The following SGCD variants were observed in gnomAD, a reference collection of about 807,000 sequenced individuals.
SGCD encodes the protein sarcoglycan delta.
Under a neutral mutation model 36.6 loss-of-function variants are expected in SGCD, and 18 were observed. The ratio of observed to expected loss-of-function variants is 0.49; its 90% confidence interval spans 0.34 to 0.73. The LOEUF is 0.73. SGCD is among the 30% of genes least tolerant of loss of function. The pLI is 0.01. For synonymous variants in SGCD, 133 were observed against 130.6 expected (o/e 1.02, Z -0.12); for missense variants, 387 against 346.7 (o/e 1.12, Z -0.92).
chr5:156,650,134 A>G (rs551411559), intron 7 of SGCD, among the ~76,000 whole-genome samples: 60 of 152,292 alleles, frequency 3.9e-4, no homozygotes, highest in African/African-American at 1.2e-3. Context: ...TTATGCTGAG[A>G]CATAATCGTA....
chr5:155,980,321 C>T (rs1209114563), intron 1 of SGCD, among the ~76,000 whole-genome samples: 1 of 151,916 alleles, frequency 6.6e-6, no homozygotes, highest in African/African-American at 2.4e-5. Context: ...AGCGGTGGTT[C>T]ACGCCTATAA....
At chr5:155,814,468 G>T in the SGCD span, among the ~76,000 whole-genome samples, 1 of 152,068 alleles carries the variant, frequency 6.6e-6, no homozygotes, top group Non-Finnish European at 1.5e-5. Context: ...ATAATTTTTG[G>T]TTAATTTCTA....
At chr5:156,429,248 A>G (rs944245160) in intron 3 of SGCD, among the ~76,000 whole-genome samples, 2 of 146,012 alleles carry the variant, frequency 1.4e-5, no homozygotes, top group Non-Finnish European at 3.0e-5. Flanking sequence ...TAATCATTAT[A>G]TAATGTCCCT....
intron 6 of SGCD, among the ~76,000 whole-genome samples, chr5:156,615,736 A>C (rs556754715): frequency 6.6e-6 from 1 of 152,350 alleles, no homozygotes; most frequent in South Asian, 2.1e-4. Flanking sequence ...TCAGGGAGAT[A>C]GATACACTTG....
chr5:156,624,285 C>CA (rs1762360616), intron 6 of SGCD, among the ~76,000 whole-genome samples: 1 of 152,046 alleles, frequency 6.6e-6, no homozygotes, highest in Admixed American at 6.5e-5. Context: ...GAAATAACAT[C>CA]AAAAACCACT....
At position 156,697,516 on chromosome 5, in the gene SGCD, A is replaced by G. The variant is rs1754366629; in HGVS notation, c.575+49980A>G. Among the ~76,000 whole-genome samples, 5 of 152,154 alleles carry G rather than the reference A, an allele frequency of 3.3e-5. No homozygotes were observed. In the South Asian group the frequency reaches 6.2e-4, roughly 19 times the overall value. On this transcript the variant is annotated intron_variant, in intron 7 of 8. Transcript: ENST00000337851. ...AGAGAATCCTGACTCCTCCTTTGGG[A>G]AACAGTTTAAACATGAGCTATTTCT...
At chr5:156,381,101 A>T (rs1770950761) in intron 3 of SGCD, among the ~76,000 whole-genome samples, 1 of 152,206 alleles carries the variant, frequency 6.6e-6, no homozygotes, top group Admixed American at 6.5e-5. Context: ...GGAAGAAATG[A>T]GTTGGAGGTA....
chr5:155,842,624 A>G, the SGCD span, among the ~76,000 whole-genome samples: 1 of 152,160 alleles, frequency 6.6e-6, no homozygotes, highest in Non-Finnish European at 1.5e-5. Context: ...TCAAAAGTTC[A>G]AAAGATGCTT....
chr5:156,413,249 T>C (rs1477779975), intron 3 of SGCD, among the ~76,000 whole-genome samples: 1 of 152,170 alleles, frequency 6.6e-6, no homozygotes, highest in Non-Finnish European at 1.5e-5. Context: ...GAAGGCCCTA[T>C]TTGGATCAAA....
At chr5:156,021,422 A>G (rs1759094741) in intron 1 of SGCD, among the ~76,000 whole-genome samples, 2 of 152,284 alleles carry the variant, frequency 1.3e-5, no homozygotes, top group African/African-American at 4.8e-5. Flanking sequence ...TGGGAAGTTA[A>G]GGTGGGAGGA....
chr5:156,134,435 T>C (rs1399090223), intron 3 of SGCD, among the ~76,000 whole-genome samples: 1 of 152,166 alleles, frequency 6.6e-6, no homozygotes, highest in Non-Finnish European at 1.5e-5. Context: ...CTCTCTTCTC[T>C]TCCCCCAGTC....
intron 4 of SGCD, among the ~76,000 whole-genome samples, chr5:156,545,926 T>C (rs1020785895): frequency 6.6e-6 from 1 of 152,226 alleles, no homozygotes; most frequent in Admixed American, 6.5e-5. Context: ...CCAAGTTTTA[T>C]GACAAATTAC....
rs546038955 is a variant in SGCD, at chr5:156,251,663, C to T, written c.-43-77871C>T. On this transcript the variant is annotated intron_variant, in intron 3 of 9. Transcript: ENST00000517913. ...CCCAGTAGCTGGGACTACAGGCACC[C>T]GCCACCACACCCAGCTAATTTTTTG... is the stretch of plus-strand genomic sequence containing the variant. Among the ~76,000 whole-genome samples, 12 of 151,876 alleles carry T rather than the reference C, an allele frequency of 7.9e-5. No homozygotes were observed. The South Asian group carries it at 1.0e-3, about 13-fold the overall frequency.
intron 1 of SGCD, among the ~76,000 whole-genome samples, chr5:155,946,123 G>A (rs1757431982): frequency 6.6e-6 from 1 of 152,130 alleles, no homozygotes; most frequent in Admixed American, 6.5e-5. Context: ...GTGGTCACTG[G>A]GGTAAGAAAT....
chr5:156,726,645 T>A (rs1239407838), intron 7 of SGCD, among the ~76,000 whole-genome samples: 1 of 152,246 alleles, frequency 6.6e-6, no homozygotes, highest in Non-Finnish European at 1.5e-5. Context: ...GAAGTCTTTT[T>A]TCCATCTCCT....
At chr5:156,271,844 C>A (rs978605554) in intron 3 of SGCD, among the ~76,000 whole-genome samples, 1 of 152,134 alleles carries the variant, frequency 6.6e-6, no homozygotes, top group Non-Finnish European at 1.5e-5. Flanking sequence ...GTGGATAGCT[C>A]ATTCCCAGAC....
intron 1 of SGCD, among the ~76,000 whole-genome samples, chr5:156,093,140 G>A (rs1761286381): frequency 1.3e-5 from 2 of 152,146 alleles, no homozygotes; most frequent in African/African-American, 4.8e-5. Flanking sequence ...CTTTTCTCTG[G>A]CCCTCTGGGC....
chr5:156,027,195 A>T (rs547838739), intron 1 of SGCD, among the ~76,000 whole-genome samples: 1 of 152,338 alleles, frequency 6.6e-6, no homozygotes, highest in South Asian at 2.1e-4. Context: ...TTTCAATCAC[A>T]AACAATCCTT....
the SGCD span, among the ~76,000 whole-genome samples, chr5:155,783,716 T>C: frequency 6.6e-6 from 1 of 152,152 alleles, no homozygotes; most frequent in South Asian, 2.1e-4. Context: ...AAAATAACAT[T>C]GCAGCACTAT....
Sources: gnomAD v4.1 joint callset for allele counts (sites outside exome capture counted in the v4.1 genomes callset) on GRCh38, gnomAD v4.1.1 for gene constraint, MANE v1.5 for transcripts, NCBI Gene and HGNC (gene_info 2026-07-23, HGNC 2026-07-21) for gene names.